ANO4: variants seen among roughly 807,000 people sequenced by gnomAD.
ANO4 encodes anoctamin 4, also known as anoctamin-4.
In ANO4, 69 loss-of-function variants were observed where a neutral mutation model predicts 141.9. The ratio of observed to expected loss-of-function variants is 0.49; its 90% CI spans 0.40 to 0.59. The LOEUF is 0.59. Among genes scored for constraint, ANO4 ranks in the 20% least tolerant of loss-of-function variants. The pLI, the probability that ANO4 is intolerant of heterozygous loss-of-function variation, is 0.00. For synonymous variants in ANO4, 350 were observed against 394.3 expected, an observed-to-expected ratio of 0.89 and a Z score of 1.33; for missense variants, 894 against 1,162.2, an observed-to-expected ratio of 0.77 and a Z score of 3.36.
intron 1 of ANO4, among the ~76,000 whole-genome samples, chr12:100,877,152 C>T (rs950284682): frequency 1.3e-4 from 19 of 151,958 alleles, no homozygotes; most frequent in African/African-American, 3.9e-4. Context: ...TGTTGTTCAA[C>T]GGGCACAAAG....
intron 2 of ANO4, among the ~76,000 whole-genome samples, chr12:100,903,473 A>G (rs552598236): frequency 6.6e-6 from 1 of 152,288 alleles, no homozygotes; most frequent in South Asian, 2.1e-4. Flanking sequence ...AGCATGTTAA[A>G]AACAAATGCC....
chr12:101,098,358 A>G lies in ANO4; in HGVS notation c.2006+413A>G, dbSNP rs951035613. ...CAACAATGAGCAAAACCTTGCATCA[A>G]CTTGGTAAGGATGACCTTGAATTCT... On this transcript the variant is annotated intron_variant, in intron 21 of 27. Transcript: ENST00000392977. Among the ~76,000 whole-genome samples, 13 of 152,320 alleles carry G rather than the reference A, an allele frequency of 8.5e-5. No individual in the cohort carries two copies. In the East Asian group the frequency reaches 1.3e-3, roughly 16 times the overall value.
chr12:100,803,194 G>A (rs891785255), intron 1 of ANO4, among the ~76,000 whole-genome samples: 2 of 152,094 alleles, frequency 1.3e-5, no homozygotes, highest in African/African-American at 4.8e-5. Flanking sequence ...TGAGAGGATG[G>A]GAGCTTGGAG....
chr12:100,983,303 A>G (rs1175384536), intron 7 of ANO4, among the ~76,000 whole-genome samples: 11 of 152,208 alleles, frequency 7.2e-5, no homozygotes, highest in Non-Finnish European at 4.4e-5. Context: ...GTGTTTTAAG[A>G]GGTGTATTCA....
chr12:101,103,183 T>TA (rs1197565753), intron 22 of ANO4, among the ~76,000 whole-genome samples: 1,688 of 18,420 alleles, frequency 0.092, 348 homozygotes, highest in East Asian at 0.11. Flanking sequence ...TTTAGTCATT[T>TA]TATATATATA....
At chr12:101,055,851 C>T (rs879543372) in intron 14 of ANO4, among the ~76,000 whole-genome samples, 6 of 152,026 alleles carry the variant, frequency 3.9e-5, no homozygotes, top group Admixed American at 3.9e-4. Flanking sequence ...TATGGCATAA[C>T]GTAAGGGGCA....
chr12:100,959,648 CCA>C (rs571925729), intron 5 of ANO4, among the ~76,000 whole-genome samples: 21 of 152,300 alleles, frequency 1.4e-4, no homozygotes, highest in African/African-American at 5.1e-4. Context: ...CAGCTTTCCT[CCA>C]CATGGTGAGT....
At chr12:100,938,263 C>T (rs576212667) in intron 3 of ANO4, among the ~76,000 whole-genome samples, 8 of 152,338 alleles carry the variant, frequency 5.3e-5, no homozygotes, top group African/African-American at 1.7e-4. Context: ...CCACAAGTTA[C>T]GTGTCTTTGT....
intron 3 of ANO4, among the ~76,000 whole-genome samples, chr12:100,776,146 A>C (rs763810612): frequency 2.0e-5 from 3 of 152,208 alleles, no homozygotes; most frequent in Admixed American, 6.5e-5. Context: ...GGGAAATGGA[A>C]GCACTGAGAG....
At chr12:100,749,033 T>C (rs2032241937) in intron 3 of ANO4, among the ~76,000 whole-genome samples, 1 of 152,296 alleles carries the variant, frequency 6.6e-6, no homozygotes, top group East Asian at 1.9e-4. Flanking sequence ...CCTAAGATGC[T>C]GGCTGGGTAG....
At chr12:101,055,676 A>G (rs78724571) in intron 14 of ANO4, among the ~76,000 whole-genome samples, 4,586 of 151,606 alleles carry the variant, frequency 0.03, 239 homozygotes, top group African/African-American at 0.11. Flanking sequence ...TTTTCTTTTT[A>G]TATAGTCTAA....
At chr12:100,786,935 T>C (rs1391848392) in intron 3 of ANO4, among the ~76,000 whole-genome samples, 1 of 152,218 alleles carries the variant, frequency 6.6e-6, no homozygotes, top group Admixed American at 6.5e-5. Flanking sequence ...AGGATCCATA[T>C]GTACCAGGCA....
At chr12:100,738,403 C>T (rs943184403) in intron 2 of ANO4, among the ~76,000 whole-genome samples, 22 of 152,184 alleles carry the variant, frequency 1.4e-4, no homozygotes, top group Non-Finnish European at 3.1e-4. Flanking sequence ...TGTCATAGCT[C>T]GTTTATATCA....
chr12:100,967,982 CCT>C (rs1412465619), intron 5 of ANO4, among the ~76,000 whole-genome samples: 1 of 152,188 alleles, frequency 6.6e-6, no homozygotes, highest in African/African-American at 2.4e-5. Flanking sequence ...CCACTTGTCA[CCT>C]CTCTTTCTCC....
At chr12:100,853,222 ATCT>A (rs1280391423) in intron 1 of ANO4, among the ~76,000 whole-genome samples, 1 of 152,178 alleles carries the variant, frequency 6.6e-6, no homozygotes, top group African/African-American at 2.4e-5. Flanking sequence ...CACGGCAAAC[ATCT>A]TCTCCTAATA....
chr12:100,729,137 T>C (rs1018868774), intron 1 of ANO4, among the ~76,000 whole-genome samples: 2 of 152,104 alleles, frequency 1.3e-5, no homozygotes, highest in Admixed American at 6.6e-5. Flanking sequence ...TTCACAGATA[T>C]TATTTTCAGT....
At chr12:101,068,550 A>T in intron 14 of ANO4, 4 of 1,330,320 alleles carry the variant, frequency 3.0e-6, no homozygotes, top group Non-Finnish European at 4.3e-6. Context: ...GTTAGGTGGA[A>T]AAATACTAAA....
At chr12:100,917,080 CCAAAGTTACAGAATCA>C (rs1220444171) in intron 2 of ANO4, among the ~76,000 whole-genome samples, 1 of 151,818 alleles carries the variant, frequency 6.6e-6, no homozygotes, top group Non-Finnish European at 1.5e-5. Flanking sequence ...AATGCTGTTA[CCAAAGTTACAGAATCA>C]CAATTAAGTA....
chr12:100,725,343 CTTTTTTTTTTT>C (rs5800419), intron 1 of ANO4, among the ~76,000 whole-genome samples: 24 of 114,960 alleles, frequency 2.1e-4, no homozygotes, highest in African/African-American at 7.1e-4. Flanking sequence ...AAATTGGTAT[CTTTTTTTTTTT>C]TTTTTTTTTT....
Sources: allele counts gnomAD v4.1 joint callset (sites outside exome capture counted in the v4.1 genomes callset), GRCh38; gene constraint gnomAD v4.1.1; transcripts MANE v1.5; gene names NCBI Gene and HGNC (gene_info 2026-07-23, HGNC 2026-07-21).